HS6ST3: variants seen among roughly 807,000 people sequenced by gnomAD.
HS6ST3 encodes heparan-sulfate 6-O-sulfotransferase 3.
HS6ST3 carries 12 observed loss-of-function variants against 36.7 expected under a neutral mutation model. That is an observed-to-expected ratio of 0.33 (90% CI 0.21 to 0.53). HS6ST3 has a LOEUF of 0.53. HS6ST3 is among the 20% of genes least tolerant of loss of function. The probability of loss-of-function intolerance (pLI) is 0.95; values close to 1 mark genes in which losing one functional copy is unlikely to be tolerated. For synonymous variants in HS6ST3, 240 were observed against 257.5 expected (o/e 0.93, Z 0.65); for missense variants, 584 against 640.9 (o/e 0.91, Z 0.96).
chr13:96,190,370 C>T (rs1006961594), intron 1 of HS6ST3, among the ~76,000 whole-genome samples: 2 of 152,094 alleles, frequency 1.3e-5, no homozygotes, highest in African/African-American at 4.8e-5. Flanking sequence ...TCCTGAGCTG[C>T]GTATTAACTA....
intron 1 of HS6ST3, among the ~76,000 whole-genome samples, chr13:96,390,206 A>G (rs1380733804): frequency 2.0e-5 from 3 of 152,224 alleles, no homozygotes; most frequent in African/African-American, 7.2e-5. Context: ...GACCCATAGC[A>G]TGAATTCAAT....
intron 1 of HS6ST3, among the ~76,000 whole-genome samples, chr13:96,245,930 G>GA (rs1307280234): frequency 1.3e-4 from 20 of 152,166 alleles, no homozygotes; most frequent in Admixed American, 1.2e-3. Flanking sequence ...TATAGAGGGG[G>GA]AAACTACATG....
At chr13:96,444,241 G>A (rs988672894) in intron 1 of HS6ST3, among the ~76,000 whole-genome samples, 1 of 152,122 alleles carries the variant, frequency 6.6e-6, no homozygotes, top group African/African-American at 2.4e-5. Context: ...AGGCACATGG[G>A]GCTGTGTTAT....
chr13:96,579,620 C>CA (rs1294615181), intron 1 of HS6ST3, among the ~76,000 whole-genome samples: 6 of 151,100 alleles, frequency 4.0e-5, no homozygotes, highest in Admixed American at 2.0e-4. Flanking sequence ...TTCATTTAAA[C>CA]AAAAAAAGAA....
chr13:96,091,836 T>G (rs2139289885), intron 1 of HS6ST3, among the ~76,000 whole-genome samples: 1 of 152,076 alleles, frequency 6.6e-6, no homozygotes, highest in South Asian at 2.1e-4. Flanking sequence ...GGATCCTGCC[T>G]GTTGCCTAGC....
At chr13:96,537,463 C>A (rs1321077998) in intron 1 of HS6ST3, among the ~76,000 whole-genome samples, 2 of 152,180 alleles carry the variant, frequency 1.3e-5, no homozygotes, top group Non-Finnish European at 2.9e-5. Flanking sequence ...TTTTCACTCC[C>A]AGTTGCAATT....
Position 96,832,850 on chromosome 13 carries a change from C to G in HS6ST3, c.1068C>G (p.Phe356Leu). 1 of 1,614,162 alleles carries G rather than the reference C, an allele frequency of 6.2e-7. No homozygotes were observed. Among genetic ancestry groups the G allele is most frequent in the Non-Finnish European group, 8.5e-7 (1 of 1,180,018 alleles). ...KNMAFFGLTE[F>L]QRKTQFLFER... ...TGGCCTTCTTTGGGCTCACTGAGTTCCAGAGGAAGACACAGTTTCTCTTTG... is the reference window on the plus strand; with the variant it reads ...TGGCCTTCTTTGGGCTCACTGAGTTGCAGAGGAAGACACAGTTTCTCTTTG... The change falls in exon 2 of 2, where the codon TTC becomes TTG. Residue 356 changes from phenylalanine (F) to leucine (L), a missense_variant. Phe to Leu is a conservative substitution (Grantham distance 22). Around this residue, in one of 3 missense-constraint regions of HS6ST3, gnomAD observed 360 missense variants for 411.3 expected, o/e 0.88. Transcript: ENST00000376705.
At chr13:96,149,451 A>G (rs2054073983) in intron 1 of HS6ST3, among the ~76,000 whole-genome samples, 1 of 152,090 alleles carries the variant, frequency 6.6e-6, no homozygotes. Flanking sequence ...GAAAATGCTC[A>G]CCTCTTATTA....
chr13:96,672,907 GGTT>G (rs1043893040), intron 1 of HS6ST3, among the ~76,000 whole-genome samples: 24 of 152,124 alleles, frequency 1.6e-4, no homozygotes, highest in African/African-American at 5.3e-4. Context: ...CATTTCGTCT[GGTT>G]GTTGTAACAA....
At chr13:96,364,614 G>A (rs1400174954) in intron 1 of HS6ST3, among the ~76,000 whole-genome samples, 1 of 152,138 alleles carries the variant, frequency 6.6e-6, no homozygotes, top group Admixed American at 6.5e-5. Flanking sequence ...GGAGGGAGGA[G>A]CTGAGAGTGA....
At chr13:96,515,585 C>G (rs146976489) in intron 1 of HS6ST3, among the ~76,000 whole-genome samples, 8 of 152,272 alleles carry the variant, frequency 5.3e-5, no homozygotes, top group African/African-American at 1.9e-4. Context: ...GGCTGTGGCC[C>G]GACCCAAATC....
chr13:96,138,392 CA>C (rs2054013026), intron 1 of HS6ST3, among the ~76,000 whole-genome samples: 1 of 45,654 alleles, frequency 2.2e-5, no homozygotes, highest in African/African-American at 1.2e-4. Context: ...TATATGTTTA[CA>C]GTTTATAAAT....
intron 1 of HS6ST3, among the ~76,000 whole-genome samples, chr13:96,675,307 A>G (rs2056695583): frequency 6.6e-6 from 1 of 152,102 alleles, no homozygotes; most frequent in Admixed American, 6.6e-5. Flanking sequence ...GAATATATAT[A>G]TGTGACATAT....
At chr13:96,517,946 A>G (rs2138924884) in intron 1 of HS6ST3, among the ~76,000 whole-genome samples, 1 of 152,318 alleles carries the variant, frequency 6.6e-6, no homozygotes, top group South Asian at 2.1e-4. Context: ...TAGCAATGAC[A>G]TGGGATCAAC....
At chr13:96,117,577 T>C (rs1170825497) in intron 1 of HS6ST3, among the ~76,000 whole-genome samples, 4 of 151,954 alleles carry the variant, frequency 2.6e-5, no homozygotes, top group Non-Finnish European at 4.4e-5. Flanking sequence ...AAACATAATA[T>C]CTATGAAAAT....
intron 1 of HS6ST3, among the ~76,000 whole-genome samples, chr13:96,153,850 T>G (rs1432182263): frequency 5.9e-5 from 9 of 152,234 alleles, no homozygotes; most frequent in Non-Finnish European, 1.3e-4. Context: ...AAATGTCCTT[T>G]TCTAAATTTC....
At chr13:96,307,056 C>T (rs1055443746) in intron 1 of HS6ST3, among the ~76,000 whole-genome samples, 1 of 151,976 alleles carries the variant, frequency 6.6e-6, no homozygotes, top group African/African-American at 2.4e-5. Context: ...CAGTATGACC[C>T]CCAGGGGAAT....
At chr13:96,223,440 C>T (rs981452021) in intron 1 of HS6ST3, among the ~76,000 whole-genome samples, 5 of 152,210 alleles carry the variant, frequency 3.3e-5, no homozygotes, top group African/African-American at 1.2e-4. Flanking sequence ...GCTTGAACGC[C>T]TCACTGACAC....
At chr13:96,769,384 G>A (rs1877200037) in intron 1 of HS6ST3, among the ~76,000 whole-genome samples, 1 of 151,072 alleles carries the variant, frequency 6.6e-6, no homozygotes, top group Admixed American at 6.6e-5. Context: ...CCATGCTGGT[G>A]TGTTGCACCC....
Sources: gnomAD v4.1 joint callset for allele counts (sites outside exome capture counted in the v4.1 genomes callset) on GRCh38, gnomAD v4.1.1 for gene constraint, gnomAD v4.1.1 regional missense constraint, MANE v1.5 for transcripts, NCBI Gene and HGNC (gene_info 2026-07-23, HGNC 2026-07-21) for gene names.